Variants in PTPRK observed in about 807,000 individuals in gnomAD.
PTPRK encodes the protein receptor-type tyrosine-protein phosphatase kappa.
Under a neutral mutation model 178.0 loss-of-function variants are expected in PTPRK, and 75 were observed. The ratio of observed to expected loss-of-function variants is 0.42; its 90% CI spans 0.35 to 0.51. PTPRK has a LOEUF of 0.51. Among genes scored for constraint, PTPRK ranks in the 20% least tolerant of loss-of-function variants. The pLI is 0.02. For missense variants in PTPRK, 1,441 were observed against 1,797.8 expected (o/e 0.80, Z 3.59); for synonymous variants, 637 against 620.6 (o/e 1.03, Z -0.39).
intron 3 of PTPRK, among the ~76,000 whole-genome samples, chr6:128,312,009 A>G (rs1827305492): frequency 6.6e-6 from 1 of 152,174 alleles, no homozygotes; most frequent in African/African-American, 2.4e-5. Flanking sequence ...CAAAAAATCC[A>G]TTTTTATGCT....
intron 7 of PTPRK, among the ~76,000 whole-genome samples, chr6:128,150,153 A>G (rs1428952187): frequency 6.6e-6 from 1 of 152,154 alleles, no homozygotes; most frequent in Non-Finnish European, 1.5e-5. Flanking sequence ...AGCTACAATC[A>G]ATATAGCAGT....
chr6:128,294,330 G>GT (rs954926692), intron 3 of PTPRK, among the ~76,000 whole-genome samples: 1 of 151,908 alleles, frequency 6.6e-6, no homozygotes, highest in African/African-American at 2.4e-5. Context: ...TTCAAACACA[G>GT]TTTTTTTCTC....
chr6:128,272,744 C>T (rs529270796), intron 3 of PTPRK, among the ~76,000 whole-genome samples: 1 of 152,262 alleles, frequency 6.6e-6, no homozygotes, highest in Non-Finnish European at 1.5e-5. Context: ...AATAGGAATG[C>T]TTTTACACTG....
chr6:128,347,664 T>G (rs1276581102), intron 2 of PTPRK, among the ~76,000 whole-genome samples: 1 of 152,086 alleles, frequency 6.6e-6, no homozygotes, highest in Non-Finnish European at 1.5e-5. Context: ...ATCTGTCAGA[T>G]CTTTTTTAAG....
chr6:128,044,705 G>A (rs533516534), intron 13 of PTPRK, among the ~76,000 whole-genome samples: 20 of 151,676 alleles, frequency 1.3e-4, no homozygotes, highest in East Asian at 7.7e-4. Flanking sequence ...GGATTTATCC[G>A]AAATCCTTTC....
At chr6:128,467,607 C>G (rs1850039283) in intron 1 of PTPRK, among the ~76,000 whole-genome samples, 1 of 152,192 alleles carries the variant, frequency 6.6e-6, no homozygotes, top group Non-Finnish European at 1.5e-5. Context: ...TACCGGTGAT[C>G]ACTTACTTCT....
intron 7 of PTPRK, among the ~76,000 whole-genome samples, chr6:128,168,641 T>C (rs762490252): frequency 1.3e-5 from 2 of 152,048 alleles, no homozygotes; most frequent in Admixed American, 6.6e-5. Flanking sequence ...ATGTTTTAAA[T>C]AGGTTGTGTG....
chr6:128,450,617 A>G (rs946907720), intron 1 of PTPRK, among the ~76,000 whole-genome samples: 1 of 152,134 alleles, frequency 6.6e-6, no homozygotes, highest in Non-Finnish European at 1.5e-5. Context: ...TGATGGTGCA[A>G]TGAAACTCTT....
At chr6:127,989,639 G>T (rs1288516987) in intron 21 of PTPRK, among the ~76,000 whole-genome samples, 2 of 151,924 alleles carry the variant, frequency 1.3e-5, no homozygotes, top group Non-Finnish European at 2.9e-5. Context: ...GGTTTGTAGC[G>T]ATTTAACTAT....
chr6:128,423,568 C>T (rs1443909333), intron 1 of PTPRK, among the ~76,000 whole-genome samples: 4 of 151,614 alleles, frequency 2.6e-5, no homozygotes, highest in African/African-American at 9.8e-5. Context: ...CAGTGGCTCA[C>T]ACCTGTAGTC....
chr6:128,070,287 A>G (rs1046863725), intron 11 of PTPRK, among the ~76,000 whole-genome samples: 3 of 152,076 alleles, frequency 2.0e-5, no homozygotes, highest in African/African-American at 4.8e-5. Context: ...TCTACTTTAT[A>G]CTACAGTGTT....
intron 7 of PTPRK, among the ~76,000 whole-genome samples, chr6:128,143,251 T>C (rs1164713139): frequency 6.6e-6 from 1 of 152,102 alleles, no homozygotes; most frequent in African/African-American, 2.4e-5. Flanking sequence ...TCCCAGTACT[T>C]TGACTCATCC....
At chr6:128,518,868 T>C (rs925326429) in intron 1 of PTPRK, 3 of 399,080 alleles carry the variant, frequency 7.5e-6, no homozygotes, top group African/African-American at 4.2e-5. Flanking sequence ...TAACTCCCTT[T>C]ACAGAGTTCT....
chr6:128,099,178 TTATA>T (rs1174260138), intron 7 of PTPRK, among the ~76,000 whole-genome samples: 1 of 146,668 alleles, frequency 6.8e-6, no homozygotes, highest in East Asian at 2.0e-4. Context: ...AATAATACAT[TTATA>T]TATATATATA....
chr6:128,361,585 T>C lies in PTPRK; in HGVS notation c.223+35981A>G, dbSNP rs146296998. Reference sequence around the variant, plus strand: ...ATTGAGTGTTACTCACACAAACCTATACAATAGATATAGTCTATTACATAT... The same window carrying C: ...ATTGAGTGTTACTCACACAAACCTACACAATAGATATAGTCTATTACATAT... On this transcript the variant is annotated intron_variant, in intron 2 of 29. Coordinates refer to ENST00000368226, the MANE Select transcript of PTPRK (RefSeq NM_002844.4). 4.6e-5 allele frequency among the ~76,000 whole-genome samples: 7 copies of C among 152,250 alleles called. 1 individual carries two copies. The highest frequency in any genetic ancestry group is 1.2e-4 in the African/African-American group (5 of 41,556).
intron 3 of PTPRK, among the ~76,000 whole-genome samples, chr6:128,254,473 A>G (rs1370390065): frequency 1.3e-5 from 2 of 152,154 alleles, no homozygotes; most frequent in Non-Finnish European, 2.9e-5. Context: ...ACTAAAAATA[A>G]TGGGTGCAAA....
intron 4 of PTPRK, among the ~76,000 whole-genome samples, chr6:128,240,761 TCCAA>T (rs1814273340): frequency 1.3e-5 from 2 of 152,252 alleles, no homozygotes; most frequent in Middle Eastern, 3.4e-3. Context: ...AGTATAGTAA[TCCAA>T]AATAAATACC....
intron 2 of PTPRK, among the ~76,000 whole-genome samples, chr6:128,367,883 C>A (rs369085592): frequency 2.6e-5 from 4 of 152,000 alleles, no homozygotes; most frequent in South Asian, 2.1e-4. Flanking sequence ...TTTGAGAGAG[C>A]CTTCGGGAAA....
At chr6:128,394,271 C>G (rs945867460) in intron 2 of PTPRK, among the ~76,000 whole-genome samples, 1 of 152,128 alleles carries the variant, frequency 6.6e-6, no homozygotes, top group Non-Finnish European at 1.5e-5. Flanking sequence ...CATTGCACTG[C>G]TGACAGACAT....
Sources: gnomAD v4.1 joint callset for allele counts (sites outside exome capture counted in the v4.1 genomes callset) on GRCh38, gnomAD v4.1.1 for gene constraint, MANE v1.5 for transcripts, NCBI Gene and HGNC (gene_info 2026-07-23, HGNC 2026-07-21) for gene names.